The following RPH3A variants were observed in gnomAD, a reference collection of about 807,000 sequenced individuals.
RPH3A encodes the protein rabphilin 3A, also known as rabphilin-3A.
Under a neutral mutation model 102.2 loss-of-function variants are expected in RPH3A, and 48 were observed. The observed-to-expected ratio is 0.47, with a 90% CI of 0.37 to 0.60. The LOEUF is 0.60. Ranked by LOEUF, RPH3A falls within the 20% of genes least tolerant of loss-of-function variation. The pLI is 0.00. For missense variants in RPH3A, 781 were observed against 910.1 expected (o/e 0.86, Z 1.83); for synonymous variants, 310 against 324.3 (o/e 0.96, Z 0.47).
chr12:112,784,029 T>C (rs112459647), intron 1 of RPH3A, among the ~76,000 whole-genome samples: 1 of 152,182 alleles, frequency 6.6e-6, no homozygotes, highest in African/African-American at 2.4e-5. Context: ...GATCTCTCTC[T>C]CTTGACTTCC....
intron 4 of RPH3A, among the ~76,000 whole-genome samples, chr12:112,845,421 C>G (rs2136186056): frequency 6.6e-6 from 1 of 152,308 alleles, no homozygotes. Flanking sequence ...ATCAAAAAGA[C>G]AAAACCAGCT....
At chr12:112,660,118 C>A (rs1331606570) in intron 1 of RPH3A, among the ~76,000 whole-genome samples, 3 of 151,972 alleles carry the variant, frequency 2.0e-5, no homozygotes, top group Admixed American at 1.3e-4. Context: ...ATATTATATG[C>A]ATTGATAAAC....
At chr12:112,739,524 C>T (rs968250860) in intron 1 of RPH3A, among the ~76,000 whole-genome samples, 1 of 152,190 alleles carries the variant, frequency 6.6e-6, no homozygotes, top group Non-Finnish European at 1.5e-5. Context: ...TGGCCTCCCC[C>T]ATTTCCATAT....
At chr12:112,713,023 CTCTTCT>C (rs59958503) in intron 1 of RPH3A, among the ~76,000 whole-genome samples, 13 of 52,814 alleles carry the variant, frequency 2.5e-4, no homozygotes, top group South Asian at 9.9e-4. Flanking sequence ...CTTCCTCTTC[CTCTTCT>C]TCTTCTTCTT....
intron 1 of RPH3A, among the ~76,000 whole-genome samples, chr12:112,612,340 G>T (rs2039645278): frequency 6.6e-6 from 1 of 152,162 alleles, no homozygotes; most frequent in Non-Finnish European, 1.5e-5. Flanking sequence ...TAGTTACTCT[G>T]CTTCTGAGAA....
chr12:112,895,614 C>T (rs931682564), intron 20 of RPH3A, 163 bp from the exon 21 acceptor site: 27 of 572,288 alleles, frequency 4.7e-5, no homozygotes, highest in Admixed American at 2.2e-4. Context: ...AAGGGGATCA[C>T]GGGACCTGGG....
chr12:112,591,325 A>T (rs1376636897), intron 1 of RPH3A, among the ~76,000 whole-genome samples: 2 of 152,138 alleles, frequency 1.3e-5, no homozygotes. Flanking sequence ...GCCTCAAGCG[A>T]TCCTCCCACC....
intron 1 of RPH3A, among the ~76,000 whole-genome samples, chr12:112,763,363 A>G (rs2040867278): frequency 6.6e-6 from 1 of 152,240 alleles, no homozygotes; most frequent in South Asian, 2.1e-4. Context: ...TCCTGAGAAC[A>G]TGTGCCCAAG....
intron 1 of RPH3A, among the ~76,000 whole-genome samples, chr12:112,621,407 G>A (rs1378826073): frequency 1.3e-5 from 2 of 149,636 alleles, no homozygotes; most frequent in South Asian, 2.2e-4. Flanking sequence ...AAGCGCAAGG[G>A]GTCAGGGAGT....
At chr12:112,809,604 G>C (rs1490132035) in intron 2 of RPH3A, among the ~76,000 whole-genome samples, 1 of 152,200 alleles carries the variant, frequency 6.6e-6, no homozygotes, top group African/African-American at 2.4e-5. Flanking sequence ...CATGCCAGGA[G>C]CTCTGCATGC....
At chr12:112,609,641 G>A (rs1566227249) in intron 1 of RPH3A, among the ~76,000 whole-genome samples, 1 of 152,168 alleles carries the variant, frequency 6.6e-6, no homozygotes, top group African/African-American at 2.4e-5. Context: ...AGCTTGTTGT[G>A]AGACTGGATT....
chr12:112,866,080 G>A (rs1008795431), intron 6 of RPH3A, among the ~76,000 whole-genome samples: 5 of 152,292 alleles, frequency 3.3e-5, no homozygotes, highest in African/African-American at 9.6e-5. Flanking sequence ...CAGTTTGGGA[G>A]CAAAGATACA....
chr12:112,703,300 T>C (rs2040407312), intron 1 of RPH3A, among the ~76,000 whole-genome samples: 2 of 152,226 alleles, frequency 1.3e-5, no homozygotes, highest in Non-Finnish European at 2.9e-5. Context: ...ATATTGTGGC[T>C]ATAAATGATA....
At chr12:112,632,824 G>A (rs1382718204) in intron 1 of RPH3A, among the ~76,000 whole-genome samples, 1 of 152,110 alleles carries the variant, frequency 6.6e-6, no homozygotes, top group Non-Finnish European at 1.5e-5. Flanking sequence ...AGAAGTGAGA[G>A]GTGAAGTCTG....
intron 1 of RPH3A, among the ~76,000 whole-genome samples, chr12:112,709,666 A>G (rs66699343): frequency 0.36 from 54,282 of 152,042 alleles, 10,127 homozygotes; most frequent in South Asian, 0.57. Context: ...GCTATATACC[A>G]GTGATTTGAA....
At chr12:112,651,035 T>C (rs983924077) in intron 1 of RPH3A, among the ~76,000 whole-genome samples, 2 of 151,426 alleles carry the variant, frequency 1.3e-5, no homozygotes, top group Admixed American at 1.3e-4. Context: ...CTGGCAACAT[T>C]TAATTTTTAA....
intron 1 of RPH3A, among the ~76,000 whole-genome samples, chr12:112,746,025 A>G (rs964707969): frequency 3.9e-5 from 6 of 152,116 alleles, no homozygotes; most frequent in African/African-American, 1.4e-4. Flanking sequence ...TTCTCTTCTT[A>G]AAGAGTGAAT....
At chr12:112,735,312 C>T (rs1727012987) in intron 1 of RPH3A, among the ~76,000 whole-genome samples, 1 of 152,158 alleles carries the variant, frequency 6.6e-6, no homozygotes, top group Non-Finnish European at 1.5e-5. Context: ...AAGCACTTTG[C>T]AGGGAAGTCA....
At chr12:112,757,547 T>C (rs1487221207) in intron 1 of RPH3A, among the ~76,000 whole-genome samples, 1 of 152,236 alleles carries the variant, frequency 6.6e-6, no homozygotes, top group Non-Finnish European at 1.5e-5. Context: ...TTACACGTTG[T>C]ATACATGTAT....
Sources: allele counts gnomAD v4.1 joint callset (sites outside exome capture counted in the v4.1 genomes callset), GRCh38; gene constraint gnomAD v4.1.1; transcripts MANE v1.5; gene names NCBI Gene and HGNC (gene_info 2026-07-23, HGNC 2026-07-21).